The following SORCS3 variants were observed in gnomAD, a reference collection of about 807,000 sequenced individuals.
SORCS3 encodes VPS10 domain-containing receptor SorCS3.
In SORCS3, 57 loss-of-function variants were observed where a neutral mutation model predicts 146.3. The ratio of observed to expected loss-of-function variants is 0.39; its 90% CI spans 0.31 to 0.49. The LOEUF (loss-of-function observed/expected upper bound fraction) is 0.49, where lower values mean the gene tolerates loss of function less well. SORCS3 is among the 20% of genes least tolerant of loss of function. The probability of loss-of-function intolerance (pLI) is 0.92; values close to 1 mark genes in which losing one functional copy is unlikely to be tolerated. For synonymous variants in SORCS3, 653 were observed against 618.5 expected (o/e 1.06, Z -0.83); for missense variants, 1,341 against 1,575.5 (o/e 0.85, Z 2.52).
intron 1 of SORCS3, among the ~76,000 whole-genome samples, chr10:104,654,823 C>A (rs568712393): frequency 6.6e-6 from 1 of 152,134 alleles, no homozygotes; most frequent in African/African-American, 2.4e-5. Context: ...GATGTGCAAC[C>A]CTTGAGGAAG....
At chr10:105,145,556 C>T (rs1395991726) in intron 8 of SORCS3, among the ~76,000 whole-genome samples, 2 of 152,058 alleles carry the variant, frequency 1.3e-5, no homozygotes, top group Non-Finnish European at 2.9e-5. Flanking sequence ...CTGGGAAAAA[C>T]CAGGCATTTC....
At chr10:104,738,641 C>T (rs570215537) in intron 1 of SORCS3, among the ~76,000 whole-genome samples, 17 of 152,216 alleles carry the variant, frequency 1.1e-4, no homozygotes, top group South Asian at 4.2e-4. Flanking sequence ...GAAGAATGGA[C>T]GCACGGGCTT....
At chr10:104,808,565 G>A (rs1006135986) in intron 1 of SORCS3, among the ~76,000 whole-genome samples, 1 of 152,144 alleles carries the variant, frequency 6.6e-6, no homozygotes, top group African/African-American at 2.4e-5. Flanking sequence ...AAAAACATGT[G>A]TGAAGGCCTG....
chr10:105,233,167 C>CAATG (rs1266740397), intron 20 of SORCS3, among the ~76,000 whole-genome samples: 1 of 151,548 alleles, frequency 6.6e-6, no homozygotes, highest in Non-Finnish European at 1.5e-5. Flanking sequence ...TATACACTTA[C>CAATG]AATGAATCCA....
At chr10:104,700,650 A>G (rs1261125802) in intron 1 of SORCS3, among the ~76,000 whole-genome samples, 1 of 147,010 alleles carries the variant, frequency 6.8e-6, no homozygotes, top group Non-Finnish European at 1.5e-5. Context: ...GACATGGGCC[A>G]GACTAAAGTG....
intron 4 of SORCS3, among the ~76,000 whole-genome samples, chr10:105,021,942 A>G (rs182539190): frequency 2.6e-5 from 4 of 152,346 alleles, no homozygotes; most frequent in Admixed American, 1.3e-4. Flanking sequence ...GAAAGAAGTC[A>G]ATCTGAAACT....
chr10:104,837,205 A>T (rs2018080852), intron 1 of SORCS3, among the ~76,000 whole-genome samples: 1 of 152,196 alleles, frequency 6.6e-6, no homozygotes, highest in Admixed American at 6.5e-5. Context: ...TCTGACCTCA[A>T]GGAGGTCACA....
intron 2 of SORCS3, among the ~76,000 whole-genome samples, chr10:104,909,771 G>T (rs1005539705): frequency 6.7e-6 from 1 of 150,130 alleles, no homozygotes; most frequent in Non-Finnish European, 1.5e-5. Context: ...TGGCTGCATC[G>T]ACTGGATGTC....
chr10:105,022,297 C>CTT (rs55738895), intron 4 of SORCS3, among the ~76,000 whole-genome samples: 6 of 130,064 alleles, frequency 4.6e-5, no homozygotes, highest in African/African-American at 1.4e-4. Flanking sequence ...TTTTTCTTTT[C>CTT]TTTTTTTTTT....
intron 7 of SORCS3, among the ~76,000 whole-genome samples, chr10:105,115,386 C>T (rs970965933): frequency 9.9e-5 from 15 of 152,164 alleles, no homozygotes; most frequent in African/African-American, 3.4e-4. Flanking sequence ...AAATCAGCCT[C>T]ACTGTTTAGT....
At chr10:105,096,055 A>G (rs544547670) in intron 6 of SORCS3, among the ~76,000 whole-genome samples, 26 of 152,104 alleles carry the variant, frequency 1.7e-4, no homozygotes, top group Admixed American at 4.6e-4. Context: ...CTCTTCAGGT[A>G]TAGAAGACAA....
At chr10:105,198,882 T>G (rs2056558569) in intron 14 of SORCS3, among the ~76,000 whole-genome samples, 1 of 152,180 alleles carries the variant, frequency 6.6e-6, no homozygotes, top group African/African-American at 2.4e-5. Flanking sequence ...GTATTGTAAA[T>G]TGGATGATCC....
intron 1 of SORCS3, among the ~76,000 whole-genome samples, chr10:104,759,851 C>T (rs1180389693): frequency 6.6e-6 from 1 of 152,058 alleles, no homozygotes; most frequent in East Asian, 1.9e-4. Context: ...AGAGGAGGTC[C>T]CTGTGCTTGA....
At chr10:104,878,331 T>A (rs1165541888) in intron 2 of SORCS3, among the ~76,000 whole-genome samples, 1 of 152,168 alleles carries the variant, frequency 6.6e-6, no homozygotes, top group Non-Finnish European at 1.5e-5. Flanking sequence ...GAGCTAGTAA[T>A]ACATTCTGTG....
At chr10:104,871,174 A>T (rs1236724111) in intron 2 of SORCS3, among the ~76,000 whole-genome samples, 4 of 152,244 alleles carry the variant, frequency 2.6e-5, no homozygotes, top group Non-Finnish European at 4.4e-5. Flanking sequence ...TTAACTTTTT[A>T]AATTCTCACA....
At position 105,105,501 on chromosome 10, in the gene SORCS3, T is replaced by A; in HGVS notation, c.1198T>A (p.Tyr400Asn). The A allele has an allele frequency of 1.2e-6, 2 of 1,609,650 alleles. No homozygotes were observed. Among genetic ancestry groups the A allele is most frequent in the Non-Finnish European group, 1.7e-6 (2 of 1,176,006 alleles). ...DISSLVVQDE[Y>N]IFIQVTTSGR... ...CAGTTCCCTGGTTGTCCAGGATGAATATATCTTCATTCAGGTGAGTACAGA... is the reference window on the plus strand; with the variant it reads ...CAGTTCCCTGGTTGTCCAGGATGAAAATATCTTCATTCAGGTGAGTACAGA... The change falls in exon 7 of 27, where the codon TAT (tyrosine) becomes AAT (asparagine). Residue 400 changes from tyrosine to asparagine, a missense_variant. By Grantham distance (143) the Tyr-to-Asn change is moderately radical. Coordinates refer to ENST00000369701, the MANE Select transcript of SORCS3 (RefSeq NM_014978.3).
intron 3 of SORCS3, among the ~76,000 whole-genome samples, chr10:104,963,998 G>C (rs1264209971): frequency 6.6e-6 from 1 of 151,998 alleles, no homozygotes; most frequent in African/African-American, 2.4e-5. Context: ...CCACCTCTCA[G>C]CACCTCAGTG....
intron 1 of SORCS3, among the ~76,000 whole-genome samples, chr10:104,818,360 T>TCTTCCTTC (rs34389949): frequency 0.06 from 8,420 of 139,680 alleles, 410 homozygotes; most frequent in African/African-American, 0.12. Context: ...TCTTCTCCTT[T>TCTTCCTTC]CTTCCTTCCT....
intron 3 of SORCS3, among the ~76,000 whole-genome samples, chr10:104,974,605 G>C (rs906238481): frequency 1.3e-5 from 2 of 152,016 alleles, no homozygotes; most frequent in Non-Finnish European, 2.9e-5. Flanking sequence ...ACGTGAGATG[G>C]GTTTCTTGAA....
Sources: gnomAD v4.1 joint callset for allele counts (sites outside exome capture counted in the v4.1 genomes callset) on GRCh38, gnomAD v4.1.1 for gene constraint, MANE v1.5 for transcripts, NCBI Gene and HGNC (gene_info 2026-07-23, HGNC 2026-07-21) for gene names.